The following EPG5 variants were observed in gnomAD, a reference collection of about 807,000 sequenced individuals.
EPG5 encodes ectopic P granules protein 5 homolog.
A neutral mutation model predicts 302.7 loss-of-function variants in EPG5; 159 were observed. The observed-to-expected ratio is 0.53, with a 90% confidence interval of 0.46 to 0.60. The LOEUF is 0.60. Ranked by LOEUF, EPG5 falls within the 20% of genes least tolerant of loss-of-function variation. The probability of loss-of-function intolerance (pLI) is 0.00; values close to 1 mark genes in which losing one functional copy is unlikely to be tolerated. For missense variants in EPG5, 2,896 were observed against 3,092.4 expected (o/e 0.94, Z 1.51); for synonymous variants, 1,158 against 1,136.8 (o/e 1.02, Z -0.37).
rs114354899 is a variant in EPG5 at position 45,854,300 on chromosome 18, C to T, written c.7557+1273G>A. Among the ~76,000 whole-genome samples, 797 of 152,350 alleles carry T rather than the reference C, an allele frequency of 5.2e-3. 4 individuals carry two copies. The highest frequency in any genetic ancestry group is 0.02 in the Middle Eastern group (6 of 294). On this transcript the variant is annotated intron_variant, in intron 43 of 43. Transcript: ENST00000282041. ...AGAACCTGCTAATCTGCTAATTATT[C>T]TGTCTGATCCTTGCTCTTAATAACC...
chr18:45,926,672 AGC>A (rs2050276101), intron 13 of EPG5, among the ~76,000 whole-genome samples: 3 of 151,994 alleles, frequency 2.0e-5, no homozygotes, highest in Admixed American at 2.0e-4. Context: ...ACTAAAAATT[AGC>A]CAGGCATGGT....
At chr18:45,914,750 G>A (rs2049990830) in intron 20 of EPG5, among the ~76,000 whole-genome samples, 1 of 152,158 alleles carries the variant, frequency 6.6e-6, no homozygotes, top group Non-Finnish European at 1.5e-5. Context: ...GTGCTGCTGG[G>A]CAGTCTCTGC....
chr18:45,953,173 A>T (rs2143759431), intron 2 of EPG5: 1 of 567,348 alleles, frequency 1.8e-6, no homozygotes. Context: ...ACTCCATCTA[A>T]AAAAAAAGTA....
rs547243473 is a variant in EPG5, at chr18:45,946,759, A to T, written c.1581T>A (p.Ala527=). Residue 527 remains alanine, a synonymous_variant, in exon 7 of 44, where the codon GCT becomes GCA. Coordinates refer to ENST00000282041, the MANE Select transcript of EPG5 (RefSeq NM_020964.3). ...ALLMSPVKNR[A]EFMCHMKPSE... Reference sequence around the variant, plus strand: ...TGGGCTTCATGTGGCACATAAACTCAGCTCGATTTCTAAAGGACAAGAATA... The same window carrying T: ...TGGGCTTCATGTGGCACATAAACTCTGCTCGATTTCTAAAGGACAAGAATA... 2 of 1,614,164 alleles carry T rather than the reference A, an allele frequency of 1.2e-6. No homozygotes were observed. The highest frequency in any genetic ancestry group is 3.3e-5 in the Admixed American group (2 of 60,028).
the EPG5 span, among the ~76,000 whole-genome samples, chr18:45,803,026 GA>G: frequency 3.3e-5 from 5 of 152,034 alleles, no homozygotes; most frequent in South Asian, 1.0e-3. Context: ...TTCTCTATAG[GA>G]AAAAAAGGAG....
chr18:45,915,492 C>G lies in EPG5; in HGVS notation c.3693+19G>C, dbSNP rs2050008242. 5.3e-6 allele frequency: 8 copies of G among 1,523,264 alleles called. No individual in the cohort carries two copies. Among genetic ancestry groups the G allele is most frequent in the Non-Finnish European group, 5.5e-6 (6 of 1,099,170 alleles). 94.4% of individuals were successfully genotyped at this position (1,523,264 alleles called of 1,614,324 possible). ...AAGTTCACAAAGATAACAAATGATCCTCTCAGTGAGTTTCCTACCTGAGTG... is the reference window on the plus strand; with the variant it reads ...AAGTTCACAAAGATAACAAATGATCGTCTCAGTGAGTTTCCTACCTGAGTG... On this transcript the variant is annotated intron_variant, in intron 20 of 43. Coordinates refer to ENST00000282041, the MANE Select transcript of EPG5 (RefSeq NM_020964.3).
intron 35 of EPG5, among the ~76,000 whole-genome samples, chr18:45,872,279 A>C (rs1469528882): frequency 6.6e-6 from 1 of 152,216 alleles, no homozygotes; most frequent in Admixed American, 6.5e-5. Context: ...TGACTATATA[A>C]GGGACATTTA....
At chr18:45,897,318 C>T (rs548455104) in intron 27 of EPG5, among the ~76,000 whole-genome samples, 8 of 152,300 alleles carry the variant, frequency 5.3e-5, no homozygotes, top group Middle Eastern at 3.4e-3. Flanking sequence ...TATAAAAATG[C>T]ATTTTAGAAT....
chr18:45,857,867 C>T lies in EPG5; in HGVS notation c.7428G>A (p.Ser2476=), dbSNP rs200441446. The part of the protein sequence containing the change: ...ILGAIGFGRK[S]PLSNRFRVVA... ...CGCTTCCTTACCTGTTAGACAAAGGCGACTTCCGGCCAAACCCAATTGCCC... is the reference window on the plus strand; with the variant it reads ...CGCTTCCTTACCTGTTAGACAAAGGTGACTTCCGGCCAAACCCAATTGCCC... The change falls in exon 42 of 44, where the codon TCG becomes TCA. Residue 2476 remains serine, a synonymous_variant. Coordinates refer to ENST00000282041, the MANE Select transcript of EPG5 (RefSeq NM_020964.3). The T allele has an allele frequency of 4.7e-5, 76 of 1,612,092 alleles. No individual in the cohort carries two copies. The Admixed American group carries it at 7.7e-4, about 16-fold the overall frequency.
At chr18:45,950,578 T>G (rs2143711886) in intron 4 of EPG5, among the ~76,000 whole-genome samples, 1 of 152,332 alleles carries the variant, frequency 6.6e-6, no homozygotes, top group Non-Finnish European at 1.5e-5. Context: ...TTCTTCCCAG[T>G]CTCAGGTATG....
chr18:45,919,545 C>A (rs555403916), intron 16 of EPG5, among the ~76,000 whole-genome samples: 75 of 150,434 alleles, frequency 5.0e-4, no homozygotes, highest in Non-Finnish European at 5.5e-4. Context: ...CAGAGTCTCG[C>A]TCTGTCGCCC....
chr18:45,920,806 G>A (rs1417838399), intron 16 of EPG5, among the ~76,000 whole-genome samples: 1 of 152,204 alleles, frequency 6.6e-6, no homozygotes, highest in African/African-American at 2.4e-5. Flanking sequence ...GGTTTAGGGG[G>A]ACAAACATCC....
intron 36 of EPG5, among the ~76,000 whole-genome samples, chr18:45,868,339 CTTTTTTT>C (rs370701330): frequency 7.2e-6 from 1 of 138,162 alleles, no homozygotes; most frequent in African/African-American, 2.7e-5. Context: ...TTCCTTTTTC[CTTTTTTT>C]TTTTTTTTGA....
intron 10 of EPG5, among the ~76,000 whole-genome samples, chr18:45,937,908 T>C (rs2050573821): frequency 6.6e-6 from 1 of 152,172 alleles, no homozygotes; most frequent in Admixed American, 6.5e-5. Flanking sequence ...ATTATCTTTG[T>C]GAAATTATAT....
chr18:45,854,897 T>G (rs536280102), intron 43 of EPG5, among the ~76,000 whole-genome samples: 7 of 152,190 alleles, frequency 4.6e-5, no homozygotes, highest in Non-Finnish European at 8.8e-5. Context: ...AGCATTGCTA[T>G]GAGGATTAAA....
intron 17 of EPG5, 89 bp downstream of exon 17, chr18:45,917,590 T>C: frequency 1.3e-6 from 2 of 1,512,920 alleles, no homozygotes; most frequent in Non-Finnish European, 1.8e-6. Flanking sequence ...AGCATTCCCT[T>C]TATTTTACTT....
intron 37 of EPG5, 118 bp downstream of exon 37, chr18:45,867,445 C>T: frequency 1.3e-6 from 1 of 784,862 alleles, no homozygotes; most frequent in Non-Finnish European, 2.1e-6. Context: ...TCTCATATGC[C>T]AAGCATCTGT....
intron 43 of EPG5, among the ~76,000 whole-genome samples, chr18:45,854,234 G>A (rs1204552014): frequency 2.6e-5 from 4 of 152,218 alleles, no homozygotes; most frequent in Non-Finnish European, 5.9e-5. Flanking sequence ...TAGGCAATGA[G>A]TGACAACTAT....
intron 1 of EPG5, among the ~76,000 whole-genome samples, chr18:45,964,256 T>G (rs1385295248): frequency 6.6e-6 from 1 of 152,194 alleles, no homozygotes; most frequent in African/African-American, 2.4e-5. Flanking sequence ...TCTGTAACAT[T>G]CTATCTATGG....
Sources: allele counts gnomAD v4.1 joint callset (sites outside exome capture counted in the v4.1 genomes callset), GRCh38; gene constraint gnomAD v4.1.1; transcripts MANE v1.5; gene names NCBI Gene and HGNC (gene_info 2026-07-23, HGNC 2026-07-21).